PDZRN3: variants seen among roughly 807,000 people sequenced by gnomAD.
PDZRN3 encodes E3 ubiquitin-protein ligase PDZRN3.
PDZRN3 carries 38 observed loss-of-function variants against 85.7 expected under a neutral mutation model. The observed-to-expected ratio is 0.44, with a 90% CI of 0.34 to 0.58. The LOEUF (loss-of-function observed/expected upper bound fraction) is 0.58. PDZRN3 is among the 20% of genes least tolerant of loss of function. The pLI, the probability that PDZRN3 is intolerant of heterozygous loss-of-function variation, is 0.01. For missense variants in PDZRN3, 1,629 were observed against 1,506.4 expected (o/e 1.08, Z -1.35); for synonymous variants, 759 against 638.0 (o/e 1.19, Z -2.86).
intron 1 of PDZRN3, among the ~76,000 whole-genome samples, chr3:73,618,877 C>T (rs1403942381): frequency 1.3e-5 from 2 of 152,104 alleles, no homozygotes; most frequent in Admixed American, 1.3e-4. Context: ...AGCAGAAGTG[C>T]GCTGTTTTGT....
Position 73,616,406 on chromosome 3 carries a change from T to C in PDZRN3, c.723+7697A>G, listed in dbSNP as rs1702764523. 3.3e-5 allele frequency among the ~76,000 whole-genome samples: 5 copies of C among 152,222 alleles called. No homozygotes were observed. The South Asian group carries it at 8.3e-4, about 25-fold the overall frequency. On this transcript the variant is annotated intron_variant, in intron 1 of 9. Coordinates refer to ENST00000263666, the MANE Select transcript of PDZRN3 (RefSeq NM_015009.3). ...GAGGTTTTTCTGGCCAGTCTCTCCA[T>C]AGCTTTGTTAATTTGGGTGGGAAAA...
At chr3:73,535,798 T>C (rs1021517378) in intron 3 of PDZRN3, among the ~76,000 whole-genome samples, 1 of 152,224 alleles carries the variant, frequency 6.6e-6, no homozygotes, top group Non-Finnish European at 1.5e-5. Flanking sequence ...TTGAAGGTGA[T>C]TGTAGAATAC....
In PDZRN3 at chr3:73,384,198, T is replaced by A; in HGVS notation, c.2368A>T (p.Ser790Cys). Residue 790 changes from serine (S) to cysteine (C), a missense_variant, in exon 10 of 10, where the codon AGC becomes TGC. Ser to Cys is a moderately radical substitution (Grantham distance 112, BLOSUM62 -1). Coordinates refer to ENST00000263666, the MANE Select transcript of PDZRN3 (RefSeq NM_015009.3). ...GTGGTCCCCACAGCCCCTTCGCTGCTCGGGCAGCTGATGCCCTCCGCCGCT... is the reference window on the plus strand; with the variant it reads ...GTGGTCCCCACAGCCCCTTCGCTGCACGGGCAGCTGATGCCCTCCGCCGCT... ...RRAAEGISCP[S>C]SEGAVGTTEA... 6.2e-7 allele frequency: 1 copy of A among 1,613,946 alleles called. No individual in the cohort carries two copies. Among genetic ancestry groups the A allele is most frequent in the Non-Finnish European group, 8.5e-7 (1 of 1,180,024 alleles).
intron 3 of PDZRN3, among the ~76,000 whole-genome samples, chr3:73,596,788 A>T (rs1412191861): frequency 6.6e-6 from 1 of 152,230 alleles, no homozygotes; most frequent in Non-Finnish European, 1.5e-5. Context: ...ACAACCCATG[A>T]CAGTGGTTTT....
chr3:73,402,076 C>G (rs183947721), intron 4 of PDZRN3, among the ~76,000 whole-genome samples: 17 of 152,314 alleles, frequency 1.1e-4, no homozygotes, highest in Middle Eastern at 3.4e-3. Flanking sequence ...ACTTAACATT[C>G]CCCATTCAGT....
intron 4 of PDZRN3, chr3:73,401,930 C>T (rs1701757309): frequency 6.6e-6 from 1 of 152,238 alleles, no homozygotes; most frequent in Admixed American, 6.5e-5. Flanking sequence ...TTTGAAACAA[C>T]AGATCAGACA....
rs183324369 is a variant in PDZRN3 at position 73,508,473 on chromosome 3, G to C, written c.918+93881C>G. Among the ~76,000 whole-genome samples the C allele has an allele frequency of 3.3e-5, 5 of 152,260 alleles. No individual in the cohort carries two copies. In the East Asian group the frequency reaches 9.7e-4, roughly 29 times the overall value. Reference sequence around the variant, plus strand: ...CATCGTGATGGCCAATTTCACCTTGGAGCAATGCAACAGATGATGGTGCCT... The same window carrying C: ...CATCGTGATGGCCAATTTCACCTTGCAGCAATGCAACAGATGATGGTGCCT... On this transcript the variant is annotated intron_variant, in intron 3 of 9. Transcript: ENST00000263666.
chr3:73,459,797 T>C (rs769766170), intron 3 of PDZRN3, among the ~76,000 whole-genome samples: 2 of 152,214 alleles, frequency 1.3e-5, no homozygotes, highest in African/African-American at 2.4e-5. Context: ...CTATTGTGAA[T>C]AGAAGCACTC....
At chr3:73,601,187 T>C (rs1702510601) in intron 3 of PDZRN3, among the ~76,000 whole-genome samples, 1 of 152,188 alleles carries the variant, frequency 6.6e-6, no homozygotes, top group Non-Finnish European at 1.5e-5. Context: ...CAGATGAGAC[T>C]GGAAATGCAA....
At chr3:73,619,049 A>T (rs76194478) in intron 1 of PDZRN3, among the ~76,000 whole-genome samples, 3,008 of 152,312 alleles carry the variant, frequency 0.02, 115 homozygotes, top group African/African-American at 0.069. Context: ...GAAAAGGACA[A>T]AATAGTTTCT....
chr3:73,571,007 T>C (rs1422865081), intron 3 of PDZRN3, among the ~76,000 whole-genome samples: 2 of 152,220 alleles, frequency 1.3e-5, no homozygotes, highest in Non-Finnish European at 2.9e-5. Flanking sequence ...TTTATCACCA[T>C]CATAGCTACC....
At chr3:73,458,373 T>C (rs554000873) in intron 3 of PDZRN3, among the ~76,000 whole-genome samples, 2 of 152,014 alleles carry the variant, frequency 1.3e-5, no homozygotes, top group South Asian at 4.2e-4. Context: ...TTTCTTCTGC[T>C]GCTGAAGAAA....
At chr3:73,612,126 A>G (rs1160271341) in intron 1 of PDZRN3, among the ~76,000 whole-genome samples, 1 of 152,220 alleles carries the variant, frequency 6.6e-6, no homozygotes, top group Non-Finnish European at 1.5e-5. Context: ...TAGTAAAACA[A>G]AGAGAGAAAT....
intron 3 of PDZRN3, among the ~76,000 whole-genome samples, chr3:73,537,093 C>A (rs1293672610): frequency 1.3e-5 from 2 of 152,152 alleles, no homozygotes; most frequent in African/African-American, 4.8e-5. Flanking sequence ...CAGCCTTCAG[C>A]CTCTCTTGCA....
chr3:73,539,553 G>T (rs1704866300), intron 3 of PDZRN3, among the ~76,000 whole-genome samples: 1 of 152,052 alleles, frequency 6.6e-6, no homozygotes, highest in Non-Finnish European at 1.5e-5. Flanking sequence ...ATGCTCTGAG[G>T]CTGCTGTATC....
At chr3:73,599,341 G>A (rs924701877) in intron 3 of PDZRN3, among the ~76,000 whole-genome samples, 3 of 152,202 alleles carry the variant, frequency 2.0e-5, no homozygotes, top group Non-Finnish European at 2.9e-5. Context: ...AAATAAGCCA[G>A]TCACAAAAGG....
intron 4 of PDZRN3, among the ~76,000 whole-genome samples, chr3:73,401,385 A>T (rs1701746230): frequency 6.6e-6 from 1 of 152,214 alleles, no homozygotes; most frequent in Admixed American, 6.5e-5. Flanking sequence ...TTATCTCTGC[A>T]GAGAACTAGG....
At chr3:73,448,255 T>C (rs536522261) in intron 3 of PDZRN3, among the ~76,000 whole-genome samples, 7 of 152,374 alleles carry the variant, frequency 4.6e-5, no homozygotes, top group Non-Finnish European at 8.8e-5. Flanking sequence ...CTTCATTTTT[T>C]CTTCTAACCA....
Position 73,388,083 on chromosome 3 carries a change from A to AAAGG in PDZRN3, c.1417-15_1417-14insCCTT. On this transcript the variant is annotated splice_polypyrimidine_tract_variant and intron_variant, in intron 7 of 9. Coordinates refer to ENST00000263666, the MANE Select transcript of PDZRN3 (RefSeq NM_015009.3). ...TATCCCATTAATCTTTTAAAAAAAA[A>AAAGG]GGGGGGGTGGGGAGAGTGGGGAGAC... The AAAGG allele has an allele frequency of 6.6e-6, 6 of 908,176 alleles. No homozygotes were observed. The highest frequency in any genetic ancestry group is 1.0e-5 in the Non-Finnish European group (6 of 588,934). 56.3% of individuals were successfully genotyped at this position (908,176 alleles called of 1,614,324 possible). A position where few individuals can be genotyped will look rare whatever the true frequency, so the allele number is the denominator to read the frequency against.
Sources: gnomAD v4.1 joint callset for allele counts (sites outside exome capture counted in the v4.1 genomes callset) on GRCh38, gnomAD v4.1.1 for gene constraint, MANE v1.5 for transcripts, NCBI Gene and HGNC (gene_info 2026-07-23, HGNC 2026-07-21) for gene names.